SOX5: variants seen among roughly 807,000 people sequenced by gnomAD.
SOX5 encodes transcription factor SOX-5.
SOX5 carries 9 observed loss-of-function variants against 92.0 expected under a neutral mutation model. The observed-to-expected ratio is 0.10, with a 90% CI of 0.06 to 0.17. The LOEUF is 0.17. Among genes scored for constraint, SOX5 ranks in the 10% least tolerant of loss-of-function variants. The pLI, the probability that SOX5 is intolerant of heterozygous loss-of-function variation, is 1.00. For synonymous variants in SOX5, 344 were observed against 336.3 expected (o/e 1.02, Z -0.25); for missense variants, 642 against 944.5 (o/e 0.68, Z 4.20).
At chr12:24,552,748 C>T (rs1229010486) in intron 1 of SOX5, among the ~76,000 whole-genome samples, 2 of 152,152 alleles carry the variant, frequency 1.3e-5, no homozygotes, top group Non-Finnish European at 2.9e-5. Context: ...GCCTGTAATC[C>T]CAACACTTTG....
At chr12:23,571,905 G>A (rs575143485) in intron 10 of SOX5, among the ~76,000 whole-genome samples, 1 of 152,096 alleles carries the variant, frequency 6.6e-6, no homozygotes, top group South Asian at 2.1e-4. Flanking sequence ...CAGCTGCAGT[G>A]AGAAAATAGA....
At chr12:24,508,906 C>G (rs1949049036) in intron 1 of SOX5, among the ~76,000 whole-genome samples, 1 of 152,100 alleles carries the variant, frequency 6.6e-6, no homozygotes, top group African/African-American at 2.4e-5. Context: ...ACAGAAAGAA[C>G]AGAGAATTTC....
chr12:23,642,112 G>A (rs2080149263), intron 7 of SOX5, among the ~76,000 whole-genome samples: 1 of 152,054 alleles, frequency 6.6e-6, no homozygotes, highest in South Asian at 2.1e-4. Context: ...TTTATCAGTT[G>A]TTGTAATTTG....
chr12:24,280,922 G>A (rs561502619), intron 2 of SOX5, among the ~76,000 whole-genome samples: 3 of 149,132 alleles, frequency 2.0e-5, no homozygotes, highest in Non-Finnish European at 4.4e-5. Context: ...ATCAAATATA[G>A]GGCAACCCAG....
intron 3 of SOX5, among the ~76,000 whole-genome samples, chr12:24,234,503 G>A (rs1041442668): frequency 2.6e-5 from 4 of 151,914 alleles, no homozygotes; most frequent in African/African-American, 9.7e-5. Context: ...TCAGCCTCCC[G>A]AGTAGCTGGG....
chr12:24,142,326 G>C (rs1444867071), intron 4 of SOX5, among the ~76,000 whole-genome samples: 1 of 152,130 alleles, frequency 6.6e-6, no homozygotes, highest in Non-Finnish European at 1.5e-5. Flanking sequence ...CAAGGCATGG[G>C]AGGGAGACTT....
intron 4 of SOX5, among the ~76,000 whole-genome samples, chr12:24,159,132 C>A (rs1051474579): frequency 4.0e-5 from 6 of 151,754 alleles, no homozygotes; most frequent in South Asian, 2.1e-4. Flanking sequence ...TTCATTATAT[C>A]TAATTCCCTG....
intron 1 of SOX5, among the ~76,000 whole-genome samples, chr12:24,443,909 G>A (rs12425563): frequency 0.03 from 4,620 of 152,228 alleles, 103 homozygotes; most frequent in Admixed American, 0.044. Flanking sequence ...TAAAGGACTT[G>A]GTCAGTAAAA....
chr12:24,169,735 A>G (rs1953854561), intron 4 of SOX5, among the ~76,000 whole-genome samples: 1 of 152,216 alleles, frequency 6.6e-6, no homozygotes, highest in African/African-American at 2.4e-5. Context: ...ATGCTGCATA[A>G]TGGTAGCCTT....
At chr12:24,530,879 T>A (rs571122260) in intron 1 of SOX5, among the ~76,000 whole-genome samples, 1 of 152,304 alleles carries the variant, frequency 6.6e-6, no homozygotes, top group Non-Finnish European at 1.5e-5. Flanking sequence ...TCTCTGGGGA[T>A]GTCACAATGA....
intron 1 of SOX5, among the ~76,000 whole-genome samples, chr12:24,505,299 G>C (rs1308873248): frequency 2.0e-5 from 3 of 152,130 alleles, no homozygotes; most frequent in Admixed American, 6.5e-5. Flanking sequence ...CTGGAACAAA[G>C]AAGAACTCAC....
chr12:23,622,730 T>C (rs963667826), intron 8 of SOX5, among the ~76,000 whole-genome samples: 2 of 152,154 alleles, frequency 1.3e-5, no homozygotes, highest in Non-Finnish European at 2.9e-5. Flanking sequence ...AAATCCTACT[T>C]AAATACTATG....
At chr12:24,399,723 A>G (rs1961050818) in intron 1 of SOX5, among the ~76,000 whole-genome samples, 1 of 152,254 alleles carries the variant, frequency 6.6e-6, no homozygotes. Context: ...TTTGCTTTCC[A>G]AAGAGCCATG....
chr12:24,135,190 C>T (rs1360751907), intron 4 of SOX5, among the ~76,000 whole-genome samples: 1 of 152,206 alleles, frequency 6.6e-6, no homozygotes, highest in Non-Finnish European at 1.5e-5. Flanking sequence ...CCATTTGCTG[C>T]TAAACCACCC....
chr12:24,061,964 G>C (rs1405163874), intron 4 of SOX5, among the ~76,000 whole-genome samples: 1 of 152,000 alleles, frequency 6.6e-6, no homozygotes, highest in Admixed American at 6.6e-5. Context: ...TTTTGTTCTT[G>C]TTTCATATAG....
At chr12:24,126,691 T>A (rs1440300638) in intron 4 of SOX5, among the ~76,000 whole-genome samples, 1 of 152,200 alleles carries the variant, frequency 6.6e-6, no homozygotes, top group African/African-American at 2.4e-5. Context: ...CTTTGGGTTC[T>A]TTCTGCCCAA....
intron 7 of SOX5, among the ~76,000 whole-genome samples, chr12:23,647,307 G>T (rs552086134): frequency 2.6e-5 from 4 of 152,158 alleles, no homozygotes; most frequent in Admixed American, 6.5e-5. Flanking sequence ...AGTAAATCAC[G>T]CTGTCAATAG....
chr12:24,279,046 G>T (rs1944851776), intron 2 of SOX5, among the ~76,000 whole-genome samples: 1 of 151,862 alleles, frequency 6.6e-6, no homozygotes, highest in Non-Finnish European at 1.5e-5. Flanking sequence ...GAGGGAGCTT[G>T]TATTTTTATA....
chr12:23,835,680 G>C (rs1274739679), intron 3 of SOX5, among the ~76,000 whole-genome samples: 1 of 151,640 alleles, frequency 6.6e-6, no homozygotes, highest in African/African-American at 2.4e-5. Context: ...AAATATTTCA[G>C]ATAATATATT....
Sources: allele counts gnomAD v4.1 joint callset (sites outside exome capture counted in the v4.1 genomes callset), GRCh38; gene constraint gnomAD v4.1.1; transcripts MANE v1.5; gene names NCBI Gene and HGNC (gene_info 2026-07-23, HGNC 2026-07-21).